POFUT3: variants seen among roughly 807,000 people sequenced by gnomAD.
The protein encoded by POFUT3 is GDP-fucose protein O-fucosyltransferase 3.
chr8:33,343,151 A>C, the POFUT3 span, among the ~76,000 whole-genome samples: 18 of 151,816 alleles, frequency 1.2e-4, no homozygotes, highest in East Asian at 3.1e-3. Flanking sequence ...ACTTTCACGC[A>C]AAAACCTATA....
the POFUT3 span, chr8:33,453,464 G>C: frequency 6.2e-7 from 1 of 1,613,536 alleles, no homozygotes; most frequent in Non-Finnish European, 8.5e-7. Flanking sequence ...TTGCAAACTG[G>C]AACTTTTAAA....
At chr8:33,311,368 T>G in the POFUT3 span, among the ~76,000 whole-genome samples, 1 of 152,176 alleles carries the variant, frequency 6.6e-6, no homozygotes, top group African/African-American at 2.4e-5. Context: ...AAAAACTCAA[T>G]AGATACATGT....
At chr8:33,318,695 T>A in the POFUT3 span, among the ~76,000 whole-genome samples, 1 of 78,740 alleles carries the variant, frequency 1.3e-5, no homozygotes, top group Non-Finnish European at 2.2e-5. Context: ...ATTTTATATA[T>A]ATTTATATAA....
the POFUT3 span, among the ~76,000 whole-genome samples, chr8:33,377,890 G>C: frequency 3.3e-5 from 5 of 152,194 alleles, no homozygotes; most frequent in Non-Finnish European, 2.9e-5. Context: ...ATTCCAGAGG[G>C]TGACAAAGCC....
the POFUT3 span, among the ~76,000 whole-genome samples, chr8:33,367,577 G>C: frequency 6.6e-6 from 1 of 152,016 alleles, no homozygotes. Flanking sequence ...AATTCCTCTA[G>C]TGCTGCTGGG....
chr8:33,451,118 T>C, the POFUT3 span, among the ~76,000 whole-genome samples: 1 of 150,506 alleles, frequency 6.6e-6, no homozygotes, highest in Middle Eastern at 3.5e-3. Context: ...ACATACAGAT[T>C]GAGTATCTCT....
chr8:33,387,090 G>GGT, the POFUT3 span, among the ~76,000 whole-genome samples: 1 of 151,724 alleles, frequency 6.6e-6, no homozygotes, highest in Non-Finnish European at 1.5e-5. Flanking sequence ...CACATGGGTG[G>GGT]GTGTGTGTGT....
the POFUT3 span, among the ~76,000 whole-genome samples, chr8:33,438,403 C>A: frequency 6.6e-6 from 1 of 152,142 alleles, no homozygotes; most frequent in African/African-American, 2.4e-5. Flanking sequence ...CATAGGGAGA[C>A]CCTGTCTCTA....
the POFUT3 span, among the ~76,000 whole-genome samples, chr8:33,375,140 C>A: frequency 6.6e-6 from 1 of 152,052 alleles, no homozygotes; most frequent in South Asian, 2.1e-4. Flanking sequence ...GATCCACCTG[C>A]CTCAGCCTCC....
the POFUT3 span, chr8:33,372,774 C>G: frequency 1.2e-6 from 2 of 1,613,876 alleles, no homozygotes; most frequent in African/African-American, 2.7e-5. Flanking sequence ...AGGTGGGTAT[C>G]TTCTGCCTCC....
the POFUT3 span, among the ~76,000 whole-genome samples, chr8:33,338,062 A>G: frequency 2.6e-5 from 4 of 152,086 alleles, no homozygotes; most frequent in Non-Finnish European, 5.9e-5. Flanking sequence ...CCATGTCCTA[A>G]TCTCTTCTTA....
At chr8:33,354,237 TAAG>T in the POFUT3 span, among the ~76,000 whole-genome samples, 246 of 152,250 alleles carry the variant, frequency 1.6e-3, 4 homozygotes, top group African/African-American at 5.8e-3. Flanking sequence ...TACATATAGA[TAAG>T]AAGATTTATT....
the POFUT3 span, among the ~76,000 whole-genome samples, chr8:33,442,025 C>T: frequency 6.6e-6 from 1 of 152,166 alleles, no homozygotes; most frequent in South Asian, 2.1e-4. Context: ...TCTTGGCTCA[C>T]TGCAACCTCC....
the POFUT3 span, chr8:33,455,903 GA>G: frequency 0.46 from 169,296 of 370,824 alleles, 23,061 homozygotes; most frequent in African/African-American, 0.49. Flanking sequence ...GGCCAAAAAA[GA>G]AAAAAAAAAA....
the POFUT3 span, among the ~76,000 whole-genome samples, chr8:33,446,457 A>G: frequency 4.6e-5 from 1 of 21,934 alleles, no homozygotes; most frequent in African/African-American, 3.0e-4. Flanking sequence ...ATCCTATTAC[A>G]AAAAAAAAAA....
chr8:33,323,528 C>T, the POFUT3 span, among the ~76,000 whole-genome samples: 1 of 152,156 alleles, frequency 6.6e-6, no homozygotes, highest in Admixed American at 6.6e-5. Context: ...AAAGGGGACC[C>T]TGATATATTG....
the POFUT3 span, among the ~76,000 whole-genome samples, chr8:33,343,112 GAAAAA>G: frequency 8.7e-6 from 1 of 115,142 alleles, no homozygotes; most frequent in East Asian, 2.3e-4. Flanking sequence ...CTCCGTCTAA[GAAAAA>G]AAAAAAAAAG....
the POFUT3 span, among the ~76,000 whole-genome samples, chr8:33,403,504 C>A: frequency 6.6e-6 from 1 of 151,822 alleles, no homozygotes; most frequent in Non-Finnish European, 1.5e-5. Flanking sequence ...TCATTTGAGG[C>A]CAGAAGTTCA....
chr8:33,460,191 A>G, the POFUT3 span, among the ~76,000 whole-genome samples: 6 of 148,730 alleles, frequency 4.0e-5, no homozygotes, highest in Non-Finnish European at 6.0e-5. Flanking sequence ...TCCACCTCAA[A>G]AAAAAAAAAA....
Sources: allele counts gnomAD v4.1 joint callset (sites outside exome capture counted in the v4.1 genomes callset), GRCh38; gene constraint gnomAD v4.1.1; transcripts MANE v1.5; gene names NCBI Gene and HGNC (gene_info 2026-07-23, HGNC 2026-07-21).